MAGI1: variants seen among roughly 807,000 people sequenced by gnomAD.
MAGI1 encodes membrane-associated guanylate kinase, WW and PDZ domain-containing protein 1.
In MAGI1, 58 loss-of-function variants were observed where a neutral mutation model predicts 139.9. The observed-to-expected ratio is 0.41, with a 90% CI of 0.34 to 0.52. The LOEUF is 0.52. Ranked by LOEUF, MAGI1 falls within the 20% of genes least tolerant of loss-of-function variation. MAGI1 has a pLI of 0.12. For missense variants in MAGI1, 1,874 were observed against 1,901.6 expected, an observed-to-expected ratio of 0.99 and a Z score of 0.27; for synonymous variants, 812 against 737.9, an observed-to-expected ratio of 1.10 and a Z score of -1.63.
At position 65,430,154 on chromosome 3, in the gene MAGI1, G is replaced by A. The variant is rs370306606; in HGVS notation, c.1547-14C>T. Reference sequence around the variant, plus strand: ...CAATCACATCCCCTGTAGAAGGCAAGAGTGTGGGGGTTAAGAAAACAGCAC... The same window carrying A: ...CAATCACATCCCCTGTAGAAGGCAAAAGTGTGGGGGTTAAGAAAACAGCAC... On this transcript the variant is annotated splice_polypyrimidine_tract_variant and intron_variant, in intron 11 of 22. Coordinates refer to ENST00000402939, the MANE Select transcript of MAGI1 (RefSeq NM_001033057.2). The A allele has an allele frequency of 1.9e-6, 3 of 1,605,990 alleles. No homozygotes were observed. The highest frequency in any genetic ancestry group is 1.7e-6 in the Non-Finnish European group (2 of 1,173,732).
At chr3:65,377,890 C>G (rs1309391756) in intron 17 of MAGI1, among the ~76,000 whole-genome samples, 1 of 152,128 alleles carries the variant, frequency 6.6e-6, no homozygotes, top group East Asian at 1.9e-4. Context: ...CAGCAGGAAG[C>G]AACACACCAG....
intron 2 of MAGI1, among the ~76,000 whole-genome samples, chr3:65,540,224 G>A (rs184162367): frequency 5.3e-5 from 8 of 152,222 alleles, no homozygotes; most frequent in Admixed American, 2.0e-4. Context: ...ACAACCAATA[G>A]GAGAGAGACT....
intron 1 of MAGI1, among the ~76,000 whole-genome samples, chr3:65,795,694 G>GAGACACACACACACACACAC (rs1559890360): frequency 1.6e-5 from 1 of 62,486 alleles, no homozygotes; most frequent in South Asian, 6.2e-4. Flanking sequence ...AAGATGATAA[G>GAGACACACACACACACACAC]ATACACACAC....
At chr3:66,033,321 C>T (rs916932184) in intron 1 of MAGI1, among the ~76,000 whole-genome samples, 1 of 152,176 alleles carries the variant, frequency 6.6e-6, no homozygotes, top group Admixed American at 6.5e-5. Context: ...CACAAGGGCA[C>T]TATCTTATAT....
At chr3:65,376,796 A>G (rs963096305) in intron 17 of MAGI1, among the ~76,000 whole-genome samples, 1 of 152,092 alleles carries the variant, frequency 6.6e-6, no homozygotes, top group Non-Finnish European at 1.5e-5. Flanking sequence ...TTTTCCTTTA[A>G]TCATCTCCTT....
intron 1 of MAGI1, among the ~76,000 whole-genome samples, chr3:65,696,246 G>A (rs2107589518): frequency 6.6e-6 from 1 of 152,230 alleles, no homozygotes; most frequent in East Asian, 1.9e-4. Context: ...CTCACCCTAT[G>A]TAAAGAAACC....
intron 2 of MAGI1, among the ~76,000 whole-genome samples, chr3:65,539,112 T>C (rs891650587): frequency 7.3e-5 from 11 of 151,320 alleles, no homozygotes; most frequent in Admixed American, 3.3e-4. Flanking sequence ...CAGAAACACA[T>C]ACCAACTACC....
At chr3:65,574,576 C>T (rs6762306) in intron 2 of MAGI1, among the ~76,000 whole-genome samples, 2,491 of 151,960 alleles carry the variant, frequency 0.016, 61 homozygotes, top group African/African-American at 0.058. Context: ...AACCAAAATC[C>T]TACCATACGT....
intron 1 of MAGI1, among the ~76,000 whole-genome samples, chr3:65,787,822 A>T (rs1258887775): frequency 2.6e-5 from 4 of 152,134 alleles, no homozygotes; most frequent in Non-Finnish European, 5.9e-5. Flanking sequence ...CATATTTCTC[A>T]GAAAATAATA....
intron 2 of MAGI1, among the ~76,000 whole-genome samples, chr3:65,524,597 A>G (rs1349664082): frequency 6.6e-6 from 1 of 152,202 alleles, no homozygotes; most frequent in Non-Finnish European, 1.5e-5. Flanking sequence ...GAAACAATGA[A>G]TAAATGCATC....
chr3:65,416,000 TG>T (rs1946187700), intron 12 of MAGI1, among the ~76,000 whole-genome samples: 1 of 152,174 alleles, frequency 6.6e-6, no homozygotes, highest in Non-Finnish European at 1.5e-5. Context: ...TCTGCCATTT[TG>T]GTAAGTGGTC....
chr3:65,357,022 C>T lies in MAGI1; in HGVS notation c.3745G>A (p.Asp1249Asn), dbSNP rs766879624. ...HPSLESSYPP[D>N]LHKSSPHGEK... is the part of the protein sequence containing the mutation. ...CCATGTGGTGATGATTTGTGAAGAT[C>T]GGGTGGGTAACTGGACTCCAATGAC... is the stretch of plus-strand genomic sequence containing the variant. Residue 1249 changes from aspartate (D) to asparagine (N), a missense_variant, in exon 23 of 23, where the codon GAT becomes AAT. Physicochemically the swap from Asp to Asn is conservative, Grantham distance 23. Around this residue, in one of 5 missense-constraint regions of MAGI1, gnomAD observed 653 missense variants for 644.5 expected, o/e 1.01. Coordinates refer to ENST00000402939, the MANE Select transcript of MAGI1 (RefSeq NM_001033057.2). 6.2e-7 allele frequency: 1 copy of T among 1,614,172 alleles called. No homozygotes were observed. Among genetic ancestry groups the T allele is most frequent in the Non-Finnish European group, 8.5e-7 (1 of 1,180,026 alleles).
At chr3:65,649,533 T>C (rs1242759712) in intron 1 of MAGI1, among the ~76,000 whole-genome samples, 1 of 152,154 alleles carries the variant, frequency 6.6e-6, no homozygotes, top group Non-Finnish European at 1.5e-5. Context: ...TTTCCTGCAA[T>C]AGGCTCTGTT....
intron 1 of MAGI1, among the ~76,000 whole-genome samples, chr3:66,018,837 G>A (rs926278985): frequency 6.6e-6 from 1 of 152,136 alleles, no homozygotes; most frequent in African/African-American, 2.4e-5. Context: ...GCAAGAATGA[G>A]AACTGGCTGT....
intron 1 of MAGI1, among the ~76,000 whole-genome samples, chr3:65,927,936 G>C (rs187036148): frequency 6.6e-6 from 1 of 152,292 alleles, no homozygotes; most frequent in East Asian, 1.9e-4. Flanking sequence ...CAAGAATGAT[G>C]AGTATCTGAA....
At chr3:65,471,166 T>G (rs764084603) in intron 4 of MAGI1, among the ~76,000 whole-genome samples, 10 of 152,160 alleles carry the variant, frequency 6.6e-5, no homozygotes, top group Non-Finnish European at 1.3e-4. Flanking sequence ...TGATATGACT[T>G]GAGTCTTAAA....
At chr3:65,643,970 C>A (rs1271860690) in intron 1 of MAGI1, among the ~76,000 whole-genome samples, 1 of 152,130 alleles carries the variant, frequency 6.6e-6, no homozygotes, top group Non-Finnish European at 1.5e-5. Flanking sequence ...CTCCCCACAT[C>A]CCCTCTTCCT....
At chr3:65,724,751 A>G (rs2033417152) in intron 1 of MAGI1, among the ~76,000 whole-genome samples, 1 of 152,162 alleles carries the variant, frequency 6.6e-6, no homozygotes, top group African/African-American at 2.4e-5. Context: ...CGGAAGGGGA[A>G]GCAAACATGT....
intron 1 of MAGI1, among the ~76,000 whole-genome samples, chr3:66,027,119 A>G (rs2068315636): frequency 6.6e-6 from 1 of 151,666 alleles, no homozygotes; most frequent in African/African-American, 2.4e-5. Context: ...AATACAAAAA[A>G]TAGCCAGGCG....
Sources: gnomAD v4.1 joint callset for allele counts (sites outside exome capture counted in the v4.1 genomes callset) on GRCh38, gnomAD v4.1.1 for gene constraint, gnomAD v4.1.1 regional missense constraint, MANE v1.5 for transcripts, NCBI Gene and HGNC (gene_info 2026-07-23, HGNC 2026-07-21) for gene names.